DUS3L: variants seen among roughly 807,000 people sequenced by gnomAD.
DUS3L encodes tRNA-dihydrouridine(47) synthase [NAD(P)(+)]-like.
In DUS3L, 62 loss-of-function variants were observed where a neutral mutation model predicts 74.6. The observed-to-expected ratio is 0.83, with a 90% CI of 0.68 to 1.03. The LOEUF (loss-of-function observed/expected upper bound fraction) is 1.03. Ranked by LOEUF, DUS3L falls within the 50% of genes least tolerant of loss-of-function variation. The pLI, the probability that DUS3L is intolerant of heterozygous loss-of-function variation, is 0.00. For missense variants in DUS3L, 884 were observed against 924.4 expected, an observed-to-expected ratio of 0.96 and a Z score of 0.57; for synonymous variants, 433 against 395.7, an observed-to-expected ratio of 1.09 and a Z score of -1.12.
At chr19:5,785,547 A>G in intron 11 of DUS3L, 36 bp from the exon 12 acceptor site, 1 of 1,550,158 alleles carries the variant, frequency 6.5e-7, no homozygotes, top group Non-Finnish European at 8.7e-7. Context: ...GGCTTGAGTC[A>G]GCTCTAACCA....
At chr19:5,788,325 C>A (rs2056875405) in intron 4 of DUS3L, 32 bp downstream of exon 4, 13 of 1,613,448 alleles carry the variant, frequency 8.1e-6, no homozygotes, top group Non-Finnish European at 1.1e-5. Context: ...TGCCACCCTG[C>A]CACCCGACCA....
intron 3 of DUS3L, among the ~76,000 whole-genome samples, chr19:5,788,730 A>G (rs1384358444): frequency 2.2e-5 from 3 of 135,652 alleles, no homozygotes; most frequent in Non-Finnish European, 4.6e-5. Context: ...TTTTTGAGAT[A>G]GAGTCTTGCT....
Position 5,791,100 on chromosome 19 carries a change from A to T in DUS3L, c.42T>A (p.Gly14=), listed in dbSNP as rs768680819. ...GTAEAPLENG[G]GGDSGAGALE... ...AAGCTCCGGCTCCCGAGTCGCCACC[A>T]CCACCATTCTCTAGAGGAGCCTCCG... is the stretch of plus-strand genomic sequence containing the variant. The change falls in exon 1 of 13, where the codon GGT becomes GGA. Residue 14 remains glycine (G), a synonymous_variant. Coordinates refer to ENST00000309061, the MANE Select transcript of DUS3L (RefSeq NM_020175.3). The T allele has an allele frequency of 3.7e-6, 6 of 1,609,016 alleles. No individual in the cohort carries two copies. In the African/African-American group the frequency reaches 8.0e-5, roughly 21 times the overall value.
rs2056831551 is a variant in DUS3L, at chr19:5,785,437, T to C, written c.1826A>G (p.Asp609Gly). The C allele has an allele frequency of 6.3e-7, 1 of 1,591,394 alleles. No individual in the cohort carries two copies. Among genetic ancestry groups the C allele is most frequent in the Non-Finnish European group, 8.6e-7 (1 of 1,168,500 alleles). ...GCTGGCCATCAGCGTCTCCAGGTAG[T>C]CGCGGCCCAGGTAGTAGGGCGGCCG... is the stretch of plus-strand genomic sequence containing the variant. Reference protein sequence around the residue: ...NERPPYYLGRDYLETLMASQK... With the variant: ...NERPPYYLGRGYLETLMASQK... The change falls in exon 12 of 13, where the codon GAC becomes GGC. Residue 609 changes from aspartate to glycine, a missense_variant. Transcript: ENST00000309061.
rs762607568 is a variant in DUS3L, at chr19:5,785,213, G to A, written c.1943C>T (p.Ala648Val). ...FAFLPKHKAN[A>V]YK ...TGGGAAAGCCTGAGGCTACTTGTAC[G>A]CGTTGGCCTTGTGCTTCGGCAAGAA... Residue 648 changes from alanine (A) to valine (V), a missense_variant, in exon 13 of 13, where the codon GCG becomes GTG. Coordinates refer to ENST00000309061, the MANE Select transcript of DUS3L (RefSeq NM_020175.3). The A allele has an allele frequency of 2.1e-5, 33 of 1,607,748 alleles. No homozygotes were observed. The South Asian group carries it at 3.1e-4, about 15-fold the overall frequency.
chr19:5,788,279 G>C, intron 4 of DUS3L, 78 bp downstream of exon 4: 1 of 1,610,674 alleles, frequency 6.2e-7, no homozygotes, highest in Non-Finnish European at 8.5e-7. Flanking sequence ...TCCAGTAGGT[G>C]GGGACAGACA....
chr19:5,790,741 CA>C lies in DUS3L; in HGVS notation c.98+302del, dbSNP rs2056902057. On this transcript the variant is annotated intron_variant, in intron 1 of 12. Transcript: ENST00000309061. Reference sequence around the variant, plus strand: ...AAGACCCGCCAGTAACGGCCGCTGGCAGAGCACATGCGCCGTACGTCCATAT... The same window carrying C: ...AAGACCCGCCAGTAACGGCCGCTGGCGAGCACATGCGCCGTACGTCCATAT... The C allele has an allele frequency of 7.1e-6, 4 of 560,626 alleles. No individual in the cohort carries two copies. In the African/African-American group the frequency reaches 7.5e-5, roughly 11 times the overall value. The allele number at this position is 560,626 out of a possible 1,614,324, so 34.7% of individuals were successfully genotyped here.
rs2056895956 is a variant in DUS3L, at chr19:5,790,176, C to A, written c.258G>T (p.Gln86His). ...CCCCGGGCTCTGCTGCCTCCTCCGT[C>A]TGCCCGTCCGCCGTCTGTCCATCCT... ...RLEDGQTADG[Q>H]TEEAAEPGEQ... The change falls in exon 2 of 13, where the codon CAG (glutamine) becomes CAT (histidine). Residue 86 changes from glutamine (Q) to histidine (H), a missense_variant. By Grantham distance (24) the Gln-to-His change is conservative (BLOSUM62 0). Transcript: ENST00000309061. 6.2e-7 allele frequency: 1 copy of A among 1,614,086 alleles called. No homozygotes were observed. The highest frequency in any genetic ancestry group is 1.3e-5 in the African/African-American group (1 of 74,932).
Position 5,786,480 on chromosome 19 carries a change from T to G in DUS3L, c.1549A>C (p.Ile517Leu). The change falls in exon 10 of 13, where the codon ATC becomes CTC. Residue 517 changes from isoleucine (I) to leucine (L), a missense_variant. By Grantham distance (5) the Ile-to-Leu change is conservative. Transcript: ENST00000309061. Reference protein sequence around the residue: ...NRAMQTGVTGIMIARGALLKP... With the variant: ...NRAMQTGVTGLMIARGALLKP... ...CTGGGCACTTACCGGGCAATCATGA[T>G]CCCGGTGACACCAGTCTGCATGGCG... 1 of 1,612,902 alleles carries G rather than the reference T, an allele frequency of 6.2e-7. No homozygotes were observed. The highest frequency in any genetic ancestry group is 1.3e-5 in the African/African-American group (1 of 75,020).
In DUS3L at chr19:5,790,060, G is replaced by A. The variant is rs1196840511; in HGVS notation, c.374C>T (p.Pro125Leu). 1.2e-6 allele frequency: 2 copies of A among 1,613,788 alleles called. No homozygotes were observed. The highest frequency in any genetic ancestry group is 1.3e-5 in the African/African-American group (1 of 74,930). ...GGCCGCACTTGCCTGGATTAGGGAG[G>A]GACACAGCCTGTTCTTGTCGTAGTT... ...PTNYDKNRLC[P>L]SLIQESAAKC... Residue 125 changes from proline to leucine, a missense_variant, in exon 2 of 13, where the codon CCC (proline) becomes CTC (leucine). Physicochemically the swap from Pro to Leu is moderately conservative, Grantham distance 98. Transcript: ENST00000309061.
intron 1 of DUS3L, chr19:5,790,700 C>T (rs2290777): frequency 0.2 from 109,889 of 538,934 alleles, 13,662 homozygotes; most frequent in East Asian, 0.48. Flanking sequence ...CGCCCCGCGG[C>T]ACTCGCTTCA....
intron 11 of DUS3L, 26 bp downstream of exon 11, chr19:5,785,575 GCC>G (rs1390562008): frequency 3.2e-6 from 5 of 1,581,088 alleles, no homozygotes; most frequent in Middle Eastern, 1.9e-4. Flanking sequence ...CCCACGCGCC[GCC>G]CACCCCAGCC....
In DUS3L at chr19:5,788,221, A is replaced by G. The variant is rs771679961; in HGVS notation, c.943-45T>C. ...GACACACATGCTCTTGCACGCGCACACACACACACACACAGCAGAACCCTG... is the reference window on the plus strand; with the variant it reads ...GACACACATGCTCTTGCACGCGCACGCACACACACACACAGCAGAACCCTG... On this transcript the variant is annotated intron_variant, in intron 4 of 12. Transcript: ENST00000309061. The G allele has an allele frequency of 9.6e-6, 15 of 1,568,628 alleles. No individual in the cohort carries two copies. The African/African-American group carries it at 1.2e-4, about 13-fold the overall frequency.
rs1459177581 is a variant in DUS3L, at chr19:5,788,141, G to A, written c.978C>T (p.Arg326=). The A allele has an allele frequency of 1.9e-6, 3 of 1,613,640 alleles. No individual in the cohort carries two copies. In the East Asian group the frequency reaches 6.7e-5, roughly 36 times the overall value. Residue 326 remains arginine, a synonymous_variant, in exon 5 of 13, where the codon CGC becomes CGT. Transcript: ENST00000309061. Reference sequence around the variant, plus strand: ...CTCCACATGTCACATCCGCCCCGAAGCGCTTGCAGATCCGTCGGAAGGGCA... The same window carrying A: ...CTCCACATGTCACATCCGCCCCGAAACGCTTGCAGATCCGTCGGAAGGGCA... ...GNLPFRRICK[R]FGADVTCGEM...
chr19:5,789,409 C>T lies in DUS3L; in HGVS notation c.698G>A (p.Arg233His), dbSNP rs758799429. 27 of 1,594,890 alleles carry T rather than the reference C, an allele frequency of 1.7e-5. No individual in the cohort carries two copies. Among genetic ancestry groups the T allele is most frequent in the Admixed American group, 3.5e-5 (2 of 57,858 alleles). Reference protein sequence around the residue: ...VRFERAEQALRRFSQGPTPAA... With the variant: ...VRFERAEQALHRFSQGPTPAA... ...GGGTGTGGGGCCCTGGCTGAACCGG[C>T]GCAGGGCCTGCTCAGCTCGCTCGAA... Residue 233 changes from arginine (R) to histidine (H), a missense_variant, in exon 3 of 13, where the codon CGC (arginine) becomes CAC (histidine). Physicochemically the swap from Arg to His is conservative, Grantham distance 29. Transcript: ENST00000309061.
Position 5,785,416 on chromosome 19 carries a change from G to A in DUS3L, c.1847C>T (p.Ala616Val). Reference protein sequence around the residue: ...LGRDYLETLMASQKAADWIRI... With the variant: ...LGRDYLETLMVSQKAADWIRI... ...GATCCAGTCGGCTGCCTTCTGGCTG[G>A]CCATCAGCGTCTCCAGGTAGTCGCG... Residue 616 changes from alanine (A) to valine (V), a missense_variant, in exon 12 of 13, where the codon GCC becomes GTC. By Grantham distance (64) the Ala-to-Val change is moderately conservative. Coordinates refer to ENST00000309061, the MANE Select transcript of DUS3L (RefSeq NM_020175.3). The A allele has an allele frequency of 1.9e-6, 3 of 1,594,396 alleles. No homozygotes were observed. Among genetic ancestry groups the A allele is most frequent in the Admixed American group, 1.7e-5 (1 of 58,064 alleles).
rs184312792 is a variant in DUS3L, at chr19:5,787,517, G to A, written c.1212+72C>T. On this transcript the variant is annotated intron_variant, in intron 6 of 12. Transcript: ENST00000309061. ...GAGCCCAAACCCCTGACCCTCCACC[G>A]AGACATCGCCGGCTGGGTCAGTGCC... is the stretch of plus-strand genomic sequence containing the variant. 1.5e-4 allele frequency: 234 copies of A among 1,559,992 alleles called. No homozygotes were observed. In the African/African-American group the frequency reaches 1.7e-3, roughly 11 times the overall value.
intron 10 of DUS3L, 35 bp downstream of exon 10, chr19:5,786,432 A>C (rs560579280): frequency 4.4e-6 from 7 of 1,605,458 alleles, no homozygotes; most frequent in Non-Finnish European, 6.0e-6. Flanking sequence ...GCTGCTGTGC[A>C]TGAAGCTGGA....
rs758259006 is a variant in DUS3L at position 5,785,519 on chromosome 19, G to A, written c.1752-8C>T. 34 of 1,529,714 alleles carry A rather than the reference G, an allele frequency of 2.2e-5. No individual in the cohort carries two copies. The Admixed American group carries it at 4.3e-4, about 19-fold the overall frequency. The allele number at this position is 1,529,714 out of a possible 1,614,324, so 94.8% of individuals were successfully genotyped here. A position where few individuals can be genotyped will look rare whatever the true frequency, so the allele number is the denominator to read the frequency against. On this transcript the variant is annotated splice_polypyrimidine_tract_variant and splice_region_variant and intron_variant, in intron 11 of 12. Coordinates refer to ENST00000309061, the MANE Select transcript of DUS3L (RefSeq NM_020175.3). ...AGCCCCACGGGCACGTACCTGCGGCGGGTGGGCGGGCAGGACAGGCTTGAG... is the reference window on the plus strand; with the variant it reads ...AGCCCCACGGGCACGTACCTGCGGCAGGTGGGCGGGCAGGACAGGCTTGAG...
Sources: gnomAD v4.1 joint callset for allele counts (sites outside exome capture counted in the v4.1 genomes callset) on GRCh38, gnomAD v4.1.1 for gene constraint, MANE v1.5 for transcripts, NCBI Gene and HGNC (gene_info 2026-07-23, HGNC 2026-07-21) for gene names.